SORCS2: variants seen among roughly 807,000 people sequenced by gnomAD.
The protein encoded by SORCS2 is VPS10 domain-containing receptor SorCS2.
In SORCS2, 100 loss-of-function variants were observed where a neutral mutation model predicts 141.6. The observed-to-expected ratio is 0.71, with a 90% confidence interval of 0.60 to 0.83. The LOEUF (loss-of-function observed/expected upper bound fraction) is 0.83, where lower values mean the gene tolerates loss of function less well. Among genes scored for constraint, SORCS2 ranks in the 40% least tolerant of loss-of-function variants. The pLI, the probability that SORCS2 is intolerant of heterozygous loss-of-function variation, is 0.00. For synonymous variants in SORCS2, 789 were observed against 676.9 expected (o/e 1.17, Z -2.57); for missense variants, 1,646 against 1,560.2 (o/e 1.05, Z -0.93).
At chr4:7,328,018 C>CTTTTTTTTTTTTT (rs60976971) in intron 1 of SORCS2, among the ~76,000 whole-genome samples, 7 of 88,750 alleles carry the variant, frequency 7.9e-5, no homozygotes, top group African/African-American at 2.5e-4. Flanking sequence ...TCGTGCTAGG[C>CTTTTTTTTTTTTT]TTTTTTTTTT....
At chr4:7,641,777 A>AATGGATGGATGGATGG (rs56032853) in intron 4 of SORCS2, among the ~76,000 whole-genome samples, 2 of 79,066 alleles carry the variant, frequency 2.5e-5, no homozygotes, top group East Asian at 5.6e-4. Context: ...TGGATGGATA[A>AATGGATGGATGGATGG]ATGGATGGAT....
Position 7,741,605 on chromosome 4 carries a change from G to A in SORCS2, c.*1341G>A, listed in dbSNP as rs1016174411. 2 of 202,470 alleles carry A rather than the reference G, an allele frequency of 9.9e-6. No individual in the cohort carries two copies. Among genetic ancestry groups the A allele is most frequent in the African/African-American group, 4.8e-5 (2 of 41,448 alleles). The allele number at this position is 202,470 out of a possible 1,614,324, so 12.5% of individuals were successfully genotyped here. On this transcript the variant is annotated 3_prime_UTR_variant, in exon 27 of 27. Transcript: ENST00000507866. ...CCCTGGCTGGTGATGTGCTGGCTGG[G>A]GGTGAATCCCAATGAGGGTCCCTCT...
intron 2 of SORCS2, among the ~76,000 whole-genome samples, chr4:7,457,193 A>G (rs73086396): frequency 0.011 from 1,666 of 152,270 alleles, 23 homozygotes; most frequent in African/African-American, 0.038. Context: ...AGCTTTTCCC[A>G]AGGCATATTC....
intron 24 of SORCS2, 56 bp downstream of exon 24, chr4:7,733,477 A>G (rs1042929136): frequency 1.4e-6 from 2 of 1,412,648 alleles, no homozygotes; most frequent in Non-Finnish European, 1.9e-6. Flanking sequence ...CGGGCCCTGG[A>G]GAAGCCATGT....
chr4:7,367,047 A>T (rs1406095905), intron 1 of SORCS2, among the ~76,000 whole-genome samples: 1 of 152,220 alleles, frequency 6.6e-6, no homozygotes, highest in Non-Finnish European at 1.5e-5. Flanking sequence ...GACACCAAGC[A>T]GTGGTGGATG....
At chr4:7,628,216 C>G (rs1437363859) in intron 3 of SORCS2, among the ~76,000 whole-genome samples, 5 of 152,164 alleles carry the variant, frequency 3.3e-5, no homozygotes, top group African/African-American at 1.2e-4. Flanking sequence ...AACAGAACGC[C>G]ACCTCCATTA....
chr4:7,485,166 G>T (rs139342262), intron 2 of SORCS2, among the ~76,000 whole-genome samples: 87 of 152,288 alleles, frequency 5.7e-4, no homozygotes, highest in African/African-American at 1.5e-3. Flanking sequence ...TCACCTTCCA[G>T]GACATCACAG....
intron 24 of SORCS2, 141 bp from the exon 25 acceptor site, chr4:7,734,131 G>A (rs1216359280): frequency 1.5e-5 from 9 of 607,990 alleles, no homozygotes; most frequent in Middle Eastern, 4.3e-4. Flanking sequence ...GGCAGGAAAT[G>A]GGCCAGGGAC....
chr4:7,723,770 T>A lies in SORCS2; in HGVS notation c.2498T>A (p.Leu833Gln), dbSNP rs1437617827. 1.2e-6 allele frequency: 2 copies of A among 1,613,870 alleles called. No homozygotes were observed. The highest frequency in any genetic ancestry group is 1.3e-5 in the African/African-American group (1 of 74,954). Reference protein sequence around the residue: ...GFKAMYVNLTLTGEPIRHRYE... With the variant: ...GFKAMYVNLTQTGEPIRHRYE... ...AAGGCCATGTACGTGAACCTTACAC[T>A]GACCGGGGAGCCCATCCGGCACCGC... is the stretch of plus-strand genomic sequence containing the variant. The change falls in exon 19 of 27, where the codon CTG (leucine) becomes CAG (glutamine). Residue 833 changes from leucine to glutamine, a missense_variant. Coordinates refer to ENST00000507866, the MANE Select transcript of SORCS2 (RefSeq NM_020777.3).
chr4:7,711,810 T>G lies in SORCS2; in HGVS notation c.1869-923T>G, dbSNP rs116269923. Among the ~76,000 whole-genome samples the G allele has an allele frequency of 7.9e-3, 1,204 of 152,332 alleles. 11 individuals carry two copies. Among genetic ancestry groups the G allele is most frequent in the African/African-American group, 0.028 (1,154 of 41,576 alleles). ...CGGGCGGACCCGGCCTACCAGGCTG[T>G]GCATGCATAGCTTCCAGCACCCATG... On this transcript the variant is annotated intron_variant, in intron 14 of 26. Transcript: ENST00000507866.
Position 7,566,392 on chromosome 4 carries a change from A to G in SORCS2, c.648+34763A>G, listed in dbSNP as rs538950417. On this transcript the variant is annotated intron_variant, in intron 3 of 26. Coordinates refer to ENST00000507866, the MANE Select transcript of SORCS2 (RefSeq NM_020777.3). ...CTGCTACTGCTGCTGCTGAAGATGA[A>G]GATGACGGATTGATGATGAAGATAG... Among the ~76,000 whole-genome samples, 7 of 152,308 alleles carry G rather than the reference A, an allele frequency of 4.6e-5. No individual in the cohort carries two copies. In the South Asian group the frequency reaches 1.0e-3, roughly 23 times the overall value.
chr4:7,324,901 TGCTG>T (rs1166713045), intron 1 of SORCS2, among the ~76,000 whole-genome samples: 1 of 152,084 alleles, frequency 6.6e-6, no homozygotes, highest in Non-Finnish European at 1.5e-5. Flanking sequence ...CAGCGTGGGG[TGCTG>T]GTTGAGCCCA....
At chr4:7,446,896 C>G (rs1728037905) in intron 2 of SORCS2, among the ~76,000 whole-genome samples, 1 of 152,208 alleles carries the variant, frequency 6.6e-6, no homozygotes, top group Non-Finnish European at 1.5e-5. Flanking sequence ...TTTCCCATTG[C>G]AGAAACTGAG....
chr4:7,248,703 A>G (rs1158666065), intron 1 of SORCS2, among the ~76,000 whole-genome samples: 1 of 152,166 alleles, frequency 6.6e-6, no homozygotes, highest in Admixed American at 6.5e-5. Context: ...GGTGTACACT[A>G]CTTTTTTAGT....
intron 3 of SORCS2, among the ~76,000 whole-genome samples, chr4:7,549,407 TGTG>T (rs1560378169): frequency 6.6e-6 from 1 of 150,988 alleles, no homozygotes; most frequent in Non-Finnish European, 1.5e-5. Context: ...CTTTTATTGA[TGTG>T]GTGGGGCATT....
chr4:7,200,839 A>C (rs982325644), intron 1 of SORCS2, among the ~76,000 whole-genome samples: 5 of 152,218 alleles, frequency 3.3e-5, no homozygotes, highest in Non-Finnish European at 7.3e-5. Context: ...GGGCCTGGCC[A>C]GCAGAGCCAC....
At chr4:7,626,978 A>G (rs1719552454) in intron 3 of SORCS2, among the ~76,000 whole-genome samples, 1 of 151,910 alleles carries the variant, frequency 6.6e-6, no homozygotes, top group South Asian at 2.1e-4. Context: ...TTTTTTATTC[A>G]TTTATTTTAT....
intron 3 of SORCS2, among the ~76,000 whole-genome samples, chr4:7,602,404 C>T (rs1013293718): frequency 7.3e-5 from 11 of 149,826 alleles, no homozygotes; most frequent in African/African-American, 1.7e-4. Flanking sequence ...TCAGACGGGG[C>T]GGCCGGGCAG....
Position 7,663,688 on chromosome 4 carries a change from G to A in SORCS2, c.953-665G>A, listed in dbSNP as rs748846331. ...TCCCTTAACCATTCTCCATGCTGCC[G>A]GGTCACCCAAGGCTGGGGGCAGGAG... On this transcript the variant is annotated intron_variant, in intron 6 of 26. Coordinates refer to ENST00000507866, the MANE Select transcript of SORCS2 (RefSeq NM_020777.3). This position sits in a 1 kb window ranked among gnomAD's most constrained non-coding sequence, Gnocchi z 4.8. Among the ~76,000 whole-genome samples, 1 of 152,114 alleles carries A rather than the reference G, an allele frequency of 6.6e-6. No individual in the cohort carries two copies. Among genetic ancestry groups the A allele is most frequent in the African/African-American group, 2.4e-5 (1 of 41,416 alleles).
Sources: gnomAD v4.1 joint callset for allele counts (sites outside exome capture counted in the v4.1 genomes callset) on GRCh38, gnomAD v4.1.1 for gene constraint, Gnocchi (gnomAD v3.1) non-coding constraint, MANE v1.5 for transcripts, NCBI Gene and HGNC (gene_info 2026-07-23, HGNC 2026-07-21) for gene names.